SSPN: variants seen among roughly 807,000 people sequenced by gnomAD.
SSPN encodes the protein sarcospan.
Under a neutral mutation model 19.1 loss-of-function variants are expected in SSPN, and 15 were observed. The ratio of observed to expected loss-of-function variants is 0.78; its 90% confidence interval spans 0.52 to 1.21. The LOEUF (loss-of-function observed/expected upper bound fraction) is 1.21. Among genes scored for constraint, SSPN ranks in the 50% most tolerant of loss-of-function variants. The pLI, the probability that SSPN is intolerant of heterozygous loss-of-function variation, is 0.00. For missense variants in SSPN, 291 were observed against 314.0 expected (o/e 0.93, Z 0.55); for synonymous variants, 147 against 140.3 (o/e 1.05, Z -0.34).
intron 1 of SSPN, among the ~76,000 whole-genome samples, chr12:26,160,558 A>C (rs1944581449): frequency 1.3e-5 from 2 of 152,222 alleles, no homozygotes; most frequent in South Asian, 4.1e-4. Flanking sequence ...AGCAATATTC[A>C]ATATAAACAA....
intron 1 of SSPN, among the ~76,000 whole-genome samples, chr12:26,218,837 ATCACT>A (rs1209918012): frequency 1.3e-5 from 2 of 152,186 alleles, no homozygotes; most frequent in Non-Finnish European, 2.9e-5. Context: ...TTTGTTGAAA[ATCACT>A]TCTAATACTT....
chr12:26,139,604 G>A (rs1944447469), intron 1 of SSPN, among the ~76,000 whole-genome samples: 2 of 152,152 alleles, frequency 1.3e-5, no homozygotes. Flanking sequence ...CACTACTAAT[G>A]TGGCATCACT....
intron 1 of SSPN, chr12:26,124,995 C>T (rs1489422149): frequency 1.4e-5 from 9 of 635,954 alleles, no homozygotes; most frequent in Non-Finnish European, 2.3e-5. Flanking sequence ...CTCGCGCCGG[C>T]CCCACTGCGC....
chr12:26,208,022 G>A (rs1056922968), intron 1 of SSPN, among the ~76,000 whole-genome samples: 4 of 119,754 alleles, frequency 3.3e-5, no homozygotes, highest in East Asian at 2.0e-4. Context: ...TGGTGGTGGG[G>A]GGGGGGGATA....
chr12:26,213,005 T>C (rs12424240), intron 1 of SSPN, among the ~76,000 whole-genome samples: 38,232 of 151,776 alleles, frequency 0.25, 5,075 homozygotes, highest in Admixed American at 0.37. Flanking sequence ...GCGCCCCTAT[T>C]ACTTCTGGAA....
In SSPN at chr12:26,233,331, G is replaced by GATATATATATATATATATAT. The variant is rs10547333; in HGVS notation, c.*2274_*2275insTATATATATATATATATATA. 2.8e-3 allele frequency: 399 copies of GATATATATATATATATATAT among 144,358 alleles called. No homozygotes were observed. The highest frequency in any genetic ancestry group is 0.01 in the African/African-American group (376 of 36,316). The allele number at this position is 144,358 out of a possible 1,614,324, so 8.9% of individuals were successfully genotyped here. On this transcript the variant is annotated 3_prime_UTR_variant, in exon 3 of 3. Transcript: ENST00000242729. This position sits in a 1 kb window ranked among gnomAD's most constrained non-coding sequence, Gnocchi z 4.3. ...CTTTATAATAGTATAACCGTCAGGA[G>GATATATATATATATATATAT]ATATATATATATATATATACACATA...
At chr12:26,215,965 T>G (rs1945043827) in intron 1 of SSPN, among the ~76,000 whole-genome samples, 1 of 152,210 alleles carries the variant, frequency 6.6e-6, no homozygotes, top group Non-Finnish European at 1.5e-5. Context: ...TGAATGTATA[T>G]CTAGCCTTTT....
At chr12:26,189,462 C>T (rs1233043819) in intron 1 of SSPN, among the ~76,000 whole-genome samples, 1 of 152,146 alleles carries the variant, frequency 6.6e-6, no homozygotes, top group African/African-American at 2.4e-5. Flanking sequence ...TTCCTCCTAC[C>T]TCAGCCTATG....
At chr12:26,215,882 A>C (rs1224758558) in intron 1 of SSPN, among the ~76,000 whole-genome samples, 2 of 152,238 alleles carry the variant, frequency 1.3e-5, no homozygotes, top group Non-Finnish European at 2.9e-5. Context: ...GCAGAGACTA[A>C]ATTTCTTTAT....
intron 1 of SSPN, among the ~76,000 whole-genome samples, chr12:26,158,940 A>G (rs761157437): frequency 6.6e-5 from 10 of 152,242 alleles, no homozygotes; most frequent in Non-Finnish European, 1.2e-4. Context: ...GATACCTTCC[A>G]ATGCGACTGA....
chr12:26,130,163 T>C (rs1027854140), intron 1 of SSPN, among the ~76,000 whole-genome samples: 2 of 152,164 alleles, frequency 1.3e-5, no homozygotes, highest in African/African-American at 4.8e-5. Context: ...TCTGGACTAG[T>C]TGGATGGTGG....
chr12:26,189,551 T>C (rs560094434), intron 1 of SSPN, among the ~76,000 whole-genome samples: 1 of 152,260 alleles, frequency 6.6e-6, no homozygotes, highest in East Asian at 1.9e-4. Flanking sequence ...TCCCTATCAC[T>C]TTCTGCCTCA....
chr12:26,229,262 C>T (rs970275475), intron 2 of SSPN, among the ~76,000 whole-genome samples: 11 of 152,302 alleles, frequency 7.2e-5, no homozygotes, highest in South Asian at 4.1e-4. Context: ...ACTAATTCTA[C>T]GCTCTTCCAG....
chr12:26,188,390 A>G (rs751296394), intron 1 of SSPN, among the ~76,000 whole-genome samples: 4 of 152,250 alleles, frequency 2.6e-5, no homozygotes, highest in Non-Finnish European at 4.4e-5. Context: ...AAACATGCAT[A>G]TTATACAAAT....
chr12:26,230,030 C>T (rs1364549042), intron 2 of SSPN, among the ~76,000 whole-genome samples: 2 of 152,108 alleles, frequency 1.3e-5, no homozygotes, highest in Admixed American at 6.6e-5. Context: ...GACTGAGGAA[C>T]CATTTAGAGT....
intron 1 of SSPN, among the ~76,000 whole-genome samples, chr12:26,173,065 C>G (rs1445265795): frequency 6.6e-6 from 1 of 152,064 alleles, no homozygotes; most frequent in East Asian, 1.9e-4. Flanking sequence ...CTGTTTTGTG[C>G]TGTTGATTTG....
chr12:26,213,268 AT>A (rs1945011168), intron 1 of SSPN, among the ~76,000 whole-genome samples: 1 of 140,356 alleles, frequency 7.1e-6, no homozygotes, highest in South Asian at 2.9e-4. Flanking sequence ...TGTAACAGAA[AT>A]AAAAAGAGTC....
upstream of SSPN, among the ~76,000 whole-genome samples, chr12:26,193,141 T>G (rs1591871703): frequency 6.6e-6 from 1 of 152,362 alleles, no homozygotes; most frequent in East Asian, 1.9e-4. Context: ...TGTAATTCAC[T>G]GTATTATAGA....
At chr12:26,209,171 T>C (rs1289578649) in intron 1 of SSPN, among the ~76,000 whole-genome samples, 5 of 152,184 alleles carry the variant, frequency 3.3e-5, no homozygotes, top group Non-Finnish European at 7.4e-5. Flanking sequence ...TCTCACCATT[T>C]ATTTGAGTCT....
Sources: gnomAD v4.1 joint callset for allele counts (sites outside exome capture counted in the v4.1 genomes callset) on GRCh38, gnomAD v4.1.1 for gene constraint, Gnocchi (gnomAD v3.1) non-coding constraint, MANE v1.5 for transcripts, NCBI Gene and HGNC (gene_info 2026-07-23, HGNC 2026-07-21) for gene names.